The following SECISBP2 variants were observed in gnomAD, a reference collection of about 807,000 sequenced individuals.
SECISBP2 encodes selenocysteine insertion sequence-binding protein 2.
A neutral mutation model predicts 98.2 loss-of-function variants in SECISBP2; 96 were observed. The observed-to-expected ratio is 0.98, with a 90% CI of 0.83 to 1.16. The LOEUF (loss-of-function observed/expected upper bound fraction) is 1.16, where lower values mean the gene tolerates loss of function less well. Among genes scored for constraint, SECISBP2 ranks in the 50% most tolerant of loss-of-function variants. SECISBP2 has a pLI of 0.00. For missense variants in SECISBP2, 1,046 were observed against 1,022.9 expected (o/e 1.02, Z -0.31); for synonymous variants, 407 against 370.2 (o/e 1.10, Z -1.14).
In SECISBP2 at chr9:89,332,959, G is replaced by A. The variant is rs367986134; in HGVS notation, c.853G>A (p.Ala285Thr). ...AAATGAATCTGTAACTGCTAATGCCGCTACCAATTCTCCTTCATGTACAAG... is the reference window on the plus strand; with the variant it reads ...AAATGAATCTGTAACTGCTAATGCCACTACCAATTCTCCTTCATGTACAAG... Reference protein sequence around the residue: ...NPNESVTANAATNSPSCTREL... With the variant: ...NPNESVTANATTNSPSCTREL... The change falls in exon 6 of 17, where the codon GCT (alanine) becomes ACT (threonine). Residue 285 changes from alanine to threonine, a missense_variant. Physicochemically the swap from Ala to Thr is moderately conservative, Grantham distance 58. Transcript: ENST00000375807. 128 of 1,613,668 alleles carry A rather than the reference G, an allele frequency of 7.9e-5. 2 individuals are homozygous for A. The highest frequency in any genetic ancestry group is 3.3e-4 in the Middle Eastern group (2 of 6,080).
chr9:89,357,167 G>A, intron 14 of SECISBP2: 1 of 547,582 alleles, frequency 1.8e-6, no homozygotes, highest in South Asian at 2.0e-5. Context: ...GTAAGTTTCA[G>A]TAATACTAAT....
chr9:89,340,416 C>G lies in SECISBP2; in HGVS notation c.1302+463C>G, dbSNP rs144287448. Among the ~76,000 whole-genome samples the G allele has an allele frequency of 5.3e-5, 8 of 152,280 alleles. No homozygotes were observed. In the East Asian group the frequency reaches 9.6e-4, roughly 18 times the overall value. ...CCCTTCTCTACTCCACCACCTACCC[C>G]GTAGATTCAGGAGGGAGCTTGTGAG... On this transcript the variant is annotated intron_variant, in intron 9 of 16. Coordinates refer to ENST00000375807, the MANE Select transcript of SECISBP2 (RefSeq NM_024077.5).
rs1587991533 is a variant in SECISBP2, at chr9:89,349,895, A to G, written c.1858A>G (p.Thr620Ala). Residue 620 changes from threonine (T) to alanine (A), a missense_variant, in exon 13 of 17, where the codon ACC becomes GCC. Transcript: ENST00000375807. ...CTCCCACCTTGCTCCCAATCACACC[A>G]CCTTCCCTAAGATCCACAGCCGCAG... Reference protein sequence around the residue: ...EASHLAPNHTTFPKIHSRRFR... With the variant: ...EASHLAPNHTAFPKIHSRRFR... 2 of 1,614,056 alleles carry G rather than the reference A, an allele frequency of 1.2e-6. No individual in the cohort carries two copies. Among genetic ancestry groups the G allele is most frequent in the South Asian group, 1.1e-5 (1 of 91,068 alleles).
rs1412745682 is a variant in SECISBP2, at chr9:89,348,061, G to C, written c.1603-18G>C. 6.2e-7 allele frequency: 1 copy of C among 1,600,620 alleles called. No homozygotes were observed. ...GTACAAGTATTTAGGCATTTTAATT[G>C]TTTATTTAATTTTTAAGATTATTTT... On this transcript the variant is annotated intron_variant, in intron 11 of 16. Transcript: ENST00000375807.
At chr9:89,362,540 C>T, downstream of SECISBP2, 1 of 1,584,258 alleles carries the variant, frequency 6.3e-7, no homozygotes, top group Non-Finnish European at 8.7e-7. Flanking sequence ...AGGCCTCAGC[C>T]CCCTGTTGTG....
chr9:89,338,337 T>A, intron 7 of SECISBP2, 121 bp from the exon 8 acceptor site: 2 of 1,198,118 alleles, frequency 1.7e-6, no homozygotes, highest in Non-Finnish European at 2.4e-6. Flanking sequence ...AGGAACCTAA[T>A]TCTGAATAAA....
chr9:89,346,532 G>A (rs1434339159), intron 10 of SECISBP2, among the ~76,000 whole-genome samples: 1 of 148,708 alleles, frequency 6.7e-6, no homozygotes, highest in Non-Finnish European at 1.5e-5. Context: ...AGTGAGTGCA[G>A]ACCACCTAGA....
At chr9:89,347,168 A>T (rs1266637316) in intron 11 of SECISBP2, 120 bp downstream of exon 11, 8 of 1,022,038 alleles carry the variant, frequency 7.8e-6, no homozygotes, top group Admixed American at 2.0e-5. Flanking sequence ...AATATGTTGT[A>T]GTAAAACGTG....
chr9:89,359,331 T>G lies in SECISBP2; in HGVS notation c.*507T>G. ...AAGAGGGCTACAGGGAAAGGGCCCT[T>G]TCTCAGGGGATGTAGCTTTTTTAAA... On this transcript the variant is annotated 3_prime_UTR_variant, in exon 17 of 17. Transcript: ENST00000375807. 6.4e-6 allele frequency: 1 copy of G among 157,012 alleles called. No homozygotes were observed. The highest frequency in any genetic ancestry group is 1.9e-4 in the South Asian group (1 of 5,344). The allele number at this position is 157,012 out of a possible 1,614,324, so 9.7% of individuals were successfully genotyped here. A position where few individuals can be genotyped will look rare whatever the true frequency, so the allele number is the denominator to read the frequency against.
chr9:89,319,884 A>G (rs561133099), intron 2 of SECISBP2, 87 bp downstream of exon 2: 6 of 1,359,698 alleles, frequency 4.4e-6, no homozygotes, highest in African/African-American at 4.3e-5. Flanking sequence ...CAGTTACTGC[A>G]CTAAAGTTCT....
At chr9:89,356,633 T>G (rs1832127570) in intron 14 of SECISBP2, 1 of 152,058 alleles carries the variant, frequency 6.6e-6, no homozygotes, top group Non-Finnish European at 1.5e-5. Context: ...AAATTTTTTT[T>G]CTTCTTTTTT....
intron 5 of SECISBP2, chr9:89,329,469 G>A (rs1044095727): frequency 5.4e-5 from 8 of 149,476 alleles, no homozygotes; most frequent in Non-Finnish European, 8.8e-5. Flanking sequence ...CTTTTTTTTT[G>A]TGGGGAGGGA....
In SECISBP2 at chr9:89,331,956, G is replaced by A. The variant is rs144359562; in HGVS notation, c.802-952G>A. Among the ~76,000 whole-genome samples, 1,170 of 152,304 alleles carry A rather than the reference G, an allele frequency of 7.7e-3. 9 individuals carry two copies. The highest frequency in any genetic ancestry group is 0.018 in the South Asian group (88 of 4,830). ...GATACTAATGAAGCTATAGATGTGG[G>A]TGGTGTTTTCCTCTAGGGAGTGAGA... On this transcript the variant is annotated intron_variant, in intron 5 of 16. Coordinates refer to ENST00000375807, the MANE Select transcript of SECISBP2 (RefSeq NM_024077.5).
intron 4 of SECISBP2, among the ~76,000 whole-genome samples, chr9:89,326,582 T>C (rs1316453664): frequency 6.6e-6 from 1 of 152,206 alleles, no homozygotes; most frequent in Non-Finnish European, 1.5e-5. Context: ...AAAAGAATAA[T>C]TAAAATGCCC....
intron 8 of SECISBP2, among the ~76,000 whole-genome samples, chr9:89,339,231 A>G (rs1314374441): frequency 6.6e-6 from 1 of 152,238 alleles, no homozygotes; most frequent in Non-Finnish European, 1.5e-5. Context: ...GCTTAGGGTC[A>G]AGCCCAGGCA....
intron 5 of SECISBP2, chr9:89,329,105 C>A: frequency 1.8e-6 from 1 of 559,972 alleles, no homozygotes; most frequent in Non-Finnish European, 3.2e-6. Flanking sequence ...TTTATTTGTG[C>A]GTTTTGTTTT....
At position 89,325,508 on chromosome 9, in the gene SECISBP2, T is replaced by C. The variant is rs1388034243; in HGVS notation, c.264T>C (p.His88=). 1 of 1,613,878 alleles carries C rather than the reference T, an allele frequency of 6.2e-7. No individual in the cohort carries two copies. Among genetic ancestry groups the C allele is most frequent in the South Asian group, 1.1e-5 (1 of 91,078 alleles). Residue 88 remains histidine, a synonymous_variant, in exon 3 of 17, where the codon CAT becomes CAC. Transcript: ENST00000375807. ...ATTTATCTTCTGAGATAACTCTTCA[T>C]CCATATGCCTATTCTCCTTATACCC... The part of the protein sequence containing the change: ...PQYLSSEITL[H]PYAYSPYTLD...
chr9:89,334,730 G>A lies in SECISBP2; in HGVS notation c.1089G>A (p.Lys363=), dbSNP rs770879980. 6.2e-7 allele frequency: 1 copy of A among 1,610,152 alleles called. No individual in the cohort carries two copies. ...AACACATTATTCATCCTACCCAAAA[G>A]GTACGTGTCACTAGAGACAGAAAGT... ...KEKHIIHPTQ[K]SKASQGSDLE... is the part of the protein sequence containing the mutation. Residue 363 remains lysine (K), a splice_region_variant and synonymous_variant, in exon 7 of 17, where the codon AAG becomes AAA. Coordinates refer to ENST00000375807, the MANE Select transcript of SECISBP2 (RefSeq NM_024077.5).
intron 2 of SECISBP2, among the ~76,000 whole-genome samples, chr9:89,321,842 G>C (rs1294071538): frequency 6.6e-6 from 1 of 152,210 alleles, no homozygotes; most frequent in African/African-American, 2.4e-5. Context: ...TCACATGGTT[G>C]AGAATTGATT....
Sources: gnomAD v4.1 joint callset for allele counts (sites outside exome capture counted in the v4.1 genomes callset) on GRCh38, gnomAD v4.1.1 for gene constraint, MANE v1.5 for transcripts, NCBI Gene and HGNC (gene_info 2026-07-23, HGNC 2026-07-21) for gene names.